Variants in GLB1L2 observed in about 807,000 individuals in gnomAD.
GLB1L2 encodes the protein galactosidase beta 1 like 2, also known as beta-galactosidase-1-like protein 2.
A neutral mutation model predicts 84.1 loss-of-function variants in GLB1L2; 68 were observed. The ratio of observed to expected loss-of-function variants is 0.81; its 90% CI spans 0.67 to 0.99. GLB1L2 has a LOEUF of 0.99. Among genes scored for constraint, GLB1L2 ranks in the 50% least tolerant of loss-of-function variants. The probability of loss-of-function intolerance (pLI) is 0.00; values close to 1 mark genes in which losing one functional copy is unlikely to be tolerated. For synonymous variants in GLB1L2, 290 were observed against 318.0 expected (o/e 0.91, Z 0.94); for missense variants, 762 against 805.6 (o/e 0.95, Z 0.66).
At position 134,373,721 on chromosome 11, in the gene GLB1L2, G is replaced by A. The variant is rs1462633769; in HGVS notation, c.1508G>A (p.Gly503Asp). Residue 503 changes from glycine (G) to aspartate (D), a missense_variant and splice_region_variant, in exon 16 of 19, where the codon GGC (glycine) becomes GAC (aspartate). This residue lies in a region of GLB1L2 where 603 missense variants were observed against 611.7 expected (regional missense o/e 0.99). Transcript: ENST00000535456. ...CACGTGTCCTGCCTCCCTCCCACAG[G>A]CTTAATTGGAAATCTCTATCTGAAT... ...YGENIDDQRKGLIGNLYLNDS... is the reference protein window; with the variant it reads ...YGENIDDQRKDLIGNLYLNDS... The A allele has an allele frequency of 1.2e-6, 2 of 1,608,086 alleles. No individual in the cohort carries two copies. The highest frequency in any genetic ancestry group is 2.2e-5 in the East Asian group (1 of 44,862).
chr11:134,368,843 T>A, intron 10 of GLB1L2, 62 bp downstream of exon 10: 1 of 1,574,112 alleles, frequency 6.4e-7, no homozygotes, highest in Non-Finnish European at 8.7e-7. Flanking sequence ...TGGGACTTGC[T>A]ATGGAGAGGC....
At chr11:134,358,026 A>C (rs1250147541) in intron 6 of GLB1L2, among the ~76,000 whole-genome samples, 1 of 151,776 alleles carries the variant, frequency 6.6e-6, no homozygotes, top group African/African-American at 2.4e-5. Flanking sequence ...CATGGATTGA[A>C]CTCTGCAGCT....
intron 4 of GLB1L2, chr11:134,346,560 A>G (rs1371186932): frequency 1.3e-5 from 2 of 152,370 alleles, no homozygotes; most frequent in African/African-American, 4.8e-5. Flanking sequence ...GGTCTGGAGG[A>G]AACTGCTCTC....
intron 1 of GLB1L2, among the ~76,000 whole-genome samples, chr11:134,336,493 C>T (rs1332038801): frequency 2.0e-5 from 3 of 152,176 alleles, no homozygotes; most frequent in African/African-American, 4.8e-5. Flanking sequence ...TGATGGACAT[C>T]GATTGTTTGC....
chr11:134,359,183 C>G (rs1471534350), intron 7 of GLB1L2, 42 bp downstream of exon 7: 2 of 1,439,928 alleles, frequency 1.4e-6, no homozygotes, highest in Non-Finnish European at 1.9e-6. Context: ...GGCGGCGGCC[C>G]TGGGCTGGCT....
chr11:134,347,501 A>T, intron 5 of GLB1L2, 68 bp downstream of exon 5: 2 of 1,106,060 alleles, frequency 1.8e-6, no homozygotes, highest in Non-Finnish European at 2.8e-6. Flanking sequence ...ATCCTTGGTT[A>T]GTTCTCAGAC....
intron 2 of GLB1L2, among the ~76,000 whole-genome samples, chr11:134,343,152 G>A (rs773440558): frequency 4.6e-5 from 7 of 152,154 alleles, no homozygotes; most frequent in Non-Finnish European, 7.3e-5. Context: ...TAGAGGAACC[G>A]CAGTAGCAAT....
At position 134,356,371 on chromosome 11, in the gene GLB1L2, C is replaced by T; in HGVS notation, c.629C>T (p.Ala210Val). The change falls in exon 6 of 19, where the codon GCA (alanine) becomes GTA (valine). Residue 210 changes from alanine (A) to valine (V), a missense_variant. Physicochemically the swap from Ala to Val is moderately conservative, Grantham distance 64. Around this residue, in one of 3 missense-constraint regions of GLB1L2, gnomAD observed 603 missense variants for 611.7 expected, o/e 0.99. Transcript: ENST00000535456. The stretch of plus-strand genomic sequence containing the variant: ...TATGGTTCCTATAATAAAGACCCCG[C>T]ATACATGCCCTACGTCAAGAAGGTA... Reference protein sequence around the residue: ...NEYGSYNKDPAYMPYVKKALE... With the variant: ...NEYGSYNKDPVYMPYVKKALE... 2 of 1,613,148 alleles carry T rather than the reference C, an allele frequency of 1.2e-6. No individual in the cohort carries two copies. Among genetic ancestry groups the T allele is most frequent in the South Asian group, 1.1e-5 (1 of 91,060 alleles).
chr11:134,365,874 T>C (rs757871814), intron 8 of GLB1L2, among the ~76,000 whole-genome samples: 3 of 152,226 alleles, frequency 2.0e-5, no homozygotes, highest in Non-Finnish European at 4.4e-5. Context: ...TCGTCCTCTG[T>C]GTCCATGACC....
chr11:134,365,330 G>A (rs991083592), intron 8 of GLB1L2, among the ~76,000 whole-genome samples: 1 of 152,230 alleles, frequency 6.6e-6, no homozygotes, highest in Admixed American at 6.5e-5. Flanking sequence ...CTGTGACGCA[G>A]ATCAGGCGCG....
At chr11:134,343,039 C>A in intron 2 of GLB1L2, 88 bp downstream of exon 2, 1 of 1,386,166 alleles carries the variant, frequency 7.2e-7, no homozygotes, top group Non-Finnish European at 9.8e-7. Flanking sequence ...GGAACCGGCC[C>A]AGGTCCTCTG....
Position 134,375,154 on chromosome 11 carries a change from C to A in GLB1L2, c.*96C>A. 1.1e-6 allele frequency: 1 copy of A among 930,162 alleles called. No homozygotes were observed. The highest frequency in any genetic ancestry group is 1.7e-6 in the Non-Finnish European group (1 of 598,322). The allele number at this position is 930,162 out of a possible 1,614,324, so 57.6% of individuals were successfully genotyped here. A position where few individuals can be genotyped will look rare whatever the true frequency, so the allele number is the denominator to read the frequency against. ...GCTGCCCCACCCCTCACTGCAAAAGCATCTCCTTAAGTAGCAACCTCAGGG... is the reference window on the plus strand; with the variant it reads ...GCTGCCCCACCCCTCACTGCAAAAGAATCTCCTTAAGTAGCAACCTCAGGG... On this transcript the variant is annotated 3_prime_UTR_variant, in exon 19 of 19. Transcript: ENST00000535456.
chr11:134,356,112 T>C, intron 5 of GLB1L2, 189 bp from the exon 6 acceptor site: 2 of 699,392 alleles, frequency 2.9e-6, no homozygotes, highest in Non-Finnish European at 5.2e-6. Flanking sequence ...CAGTCTGGAG[T>C]TGTTTTCTTG....
chr11:134,363,229 C>T lies in GLB1L2; in HGVS notation c.734-1099C>T, dbSNP rs149542167. 2.2e-3 allele frequency among the ~76,000 whole-genome samples: 337 copies of T among 152,304 alleles called. 1 individual carries two copies. The highest frequency in any genetic ancestry group is 3.2e-3 in the Non-Finnish European group (220 of 68,028). On this transcript the variant is annotated intron_variant, in intron 7 of 18. Coordinates refer to ENST00000535456, the MANE Select transcript of GLB1L2 (RefSeq NM_001370461.1). ...GCTATGGTATGGTGTCAGGGAGACC[C>T]AGGTGTGCAGTCCCGCTCTGCCGCT... is the stretch of plus-strand genomic sequence containing the variant.
At chr11:134,336,301 G>C (rs959213671) in intron 1 of GLB1L2, among the ~76,000 whole-genome samples, 1 of 152,192 alleles carries the variant, frequency 6.6e-6, no homozygotes. Flanking sequence ...GGGGAATAAA[G>C]TGAAAAGAAA....
rs867429023 is a variant in GLB1L2, at chr11:134,371,439, T to G, written c.1375T>G (p.Ser459Ala). Residue 459 changes from serine to alanine, a missense_variant, in exon 14 of 19, where the codon TCC (serine) becomes GCC (alanine). Ser to Ala is a moderately conservative substitution (Grantham distance 99). Transcript: ENST00000535456. ...DRGQVFVNTV[S>A]IGFLDYKTTK... The stretch of plus-strand genomic sequence containing the variant: ...TTGGCAGGTGTTTGTGAACACAGTA[T>G]CCATAGGATTCTTGGACTACAAGAC... 4.4e-6 allele frequency: 7 copies of G among 1,594,054 alleles called. No homozygotes were observed. In the Middle Eastern group the frequency reaches 1.0e-3, roughly 227 times the overall value.
At chr11:134,365,281 G>A (rs1471292216) in intron 8 of GLB1L2, among the ~76,000 whole-genome samples, 1 of 152,262 alleles carries the variant, frequency 6.6e-6, no homozygotes, top group Non-Finnish European at 1.5e-5. Context: ...AGGCTCCCAG[G>A]AGGAGGTGGG....
At chr11:134,352,305 G>A (rs894143664) in intron 5 of GLB1L2, among the ~76,000 whole-genome samples, 1 of 152,076 alleles carries the variant, frequency 6.6e-6, no homozygotes, top group Admixed American at 6.5e-5. Context: ...ATAGCCTCAT[G>A]TTGTTTCTGA....
chr11:134,362,502 C>T (rs537603085), intron 7 of GLB1L2, among the ~76,000 whole-genome samples: 5 of 152,218 alleles, frequency 3.3e-5, no homozygotes, highest in Non-Finnish European at 5.9e-5. Context: ...GGAGTTCTTC[C>T]CCCTGGGATG....
Sources: allele counts gnomAD v4.1 joint callset (sites outside exome capture counted in the v4.1 genomes callset), GRCh38; gene constraint gnomAD v4.1.1; regional missense constraint gnomAD v4.1.1; transcripts MANE v1.5; gene names NCBI Gene and HGNC (gene_info 2026-07-23, HGNC 2026-07-21).